The following SMARCE1 variants were observed in gnomAD, a reference collection of about 807,000 sequenced individuals.
SMARCE1 encodes the protein SWI/SNF-related matrix-associated actin-dependent regulator of chromatin subfamily E member 1.
A neutral mutation model predicts 54.9 loss-of-function variants in SMARCE1; 13 were observed. The observed-to-expected ratio is 0.24, with a 90% CI of 0.15 to 0.38. The LOEUF (loss-of-function observed/expected upper bound fraction) is 0.38. Among genes scored for constraint, SMARCE1 ranks in the 10% least tolerant of loss-of-function variants. SMARCE1 has a pLI of 1.00. For synonymous variants in SMARCE1, 151 were observed against 175.3 expected (o/e 0.86, Z 1.10); for missense variants, 295 against 523.8 (o/e 0.56, Z 4.26).
chr17:40,636,571 T>C (rs1315972687), intron 5 of SMARCE1, 45 bp from the exon 6 acceptor site: 2 of 1,477,206 alleles, frequency 1.4e-6, no homozygotes, highest in East Asian at 2.3e-5. Context: ...TGTCTAAACG[T>C]ATAGACCTTT....
chr17:40,628,564 A>T lies in SMARCE1; in HGVS notation c.*221T>A. ...TAAATTCTGAGGCTTTCAGCAGTTG[A>T]GGGCTAGAAACAAGATCCAAAGAAA... On this transcript the variant is annotated 3_prime_UTR_variant, in exon 11 of 11. Coordinates refer to ENST00000348513, the MANE Select transcript of SMARCE1 (RefSeq NM_003079.5). The T allele has an allele frequency of 2.0e-6, 1 of 499,044 alleles. No homozygotes were observed. The highest frequency in any genetic ancestry group is 3.5e-5 in the East Asian group (1 of 28,176). The allele number at this position is 499,044 out of a possible 1,614,324, so 30.9% of individuals were successfully genotyped here. A position where few individuals can be genotyped will look rare whatever the true frequency, so the allele number is the denominator to read the frequency against.
At chr17:40,632,456 A>G in intron 7 of SMARCE1, 89 bp from the exon 8 acceptor site, 5 of 1,166,372 alleles carry the variant, frequency 4.3e-6, no homozygotes, top group Non-Finnish European at 6.2e-6. Flanking sequence ...CCAACGAACT[A>G]TGGCCCTCAC....
chr17:40,637,761 A>C (rs1567847678), intron 4 of SMARCE1, 189 bp from the exon 5 acceptor site: 2 of 576,608 alleles, frequency 3.5e-6, no homozygotes, highest in Admixed American at 6.1e-5. Context: ...ATAATTTTTA[A>C]ATGTTTTACT....
chr17:40,632,582 C>CT (rs780363504), intron 7 of SMARCE1: 7 of 489,572 alleles, frequency 1.4e-5, no homozygotes, highest in Non-Finnish European at 2.5e-5. Context: ...ATCTCACAGT[C>CT]TTTAAGTGAT....
At chr17:40,632,072 C>A in intron 8 of SMARCE1, 123 bp downstream of exon 8, 1 of 780,496 alleles carries the variant, frequency 1.3e-6, no homozygotes, top group Non-Finnish European at 2.1e-6. Context: ...ACCTCTTCTC[C>A]AAATCAGGAA....
chr17:40,637,466 C>A (rs62066643), intron 5 of SMARCE1, 26 bp downstream of exon 5: 52 of 1,562,172 alleles, frequency 3.3e-5, no homozygotes, highest in Non-Finnish European at 4.5e-5. Context: ...AGTGTCCTCA[C>A]TCCTTACCAG....
Position 40,627,772 on chromosome 17 carries a change from C to T in SMARCE1, c.*1013G>A, listed in dbSNP as rs191521736. On this transcript the variant is annotated 3_prime_UTR_variant, in exon 11 of 11. Transcript: ENST00000348513. ...AAGAAACATATACCATCAGATATACCACTATTCAGTAAAAATCTATTCTAG... is the reference window on the plus strand; with the variant it reads ...AAGAAACATATACCATCAGATATACTACTATTCAGTAAAAATCTATTCTAG... 8 of 152,488 alleles carry T rather than the reference C, an allele frequency of 5.2e-5. No individual in the cohort carries two copies. The highest frequency in any genetic ancestry group is 1.0e-4 in the Non-Finnish European group (7 of 68,002). 9.4% of individuals were successfully genotyped at this position (152,488 alleles called of 1,614,324 possible).
chr17:40,644,473 A>C (rs2037232556), intron 3 of SMARCE1: 1 of 152,220 alleles, frequency 6.6e-6, no homozygotes, highest in Admixed American at 6.5e-5. Context: ...GCAGAATGCC[A>C]TGGAGATGGT....
At position 40,647,791 on chromosome 17, in the gene SMARCE1, C is replaced by G. The variant is rs966638014; in HGVS notation, c.-64G>C. On this transcript the variant is annotated 5_prime_UTR_variant, in exon 1 of 11. Transcript: ENST00000348513. ...CACTCACCCGCGGGCAGAAAAAGCG[C>G]CCGCAGCTCCGGCTTCGCTTCCCTT... is the stretch of plus-strand genomic sequence containing the variant. The G allele has an allele frequency of 6.5e-6, 1 of 154,378 alleles. No individual in the cohort carries two copies. The highest frequency in any genetic ancestry group is 2.4e-5 in the African/African-American group (1 of 41,608). 9.6% of individuals were successfully genotyped at this position (154,378 alleles called of 1,614,324 possible).
rs2037045456 is a variant in SMARCE1, at chr17:40,627,313, G to T, written c.*1472C>A. The T allele has an allele frequency of 6.6e-6, 1 of 152,326 alleles. No homozygotes were observed. The highest frequency in any genetic ancestry group is 2.1e-4 in the South Asian group (1 of 4,826). 9.4% of individuals were successfully genotyped at this position (152,326 alleles called of 1,614,324 possible). ...CTAATGTGCTATGAACTGAATAGCA[G>T]TGAATCCACTTAAATTAACTCATGC... On this transcript the variant is annotated 3_prime_UTR_variant, in exon 11 of 11. Transcript: ENST00000348513.
At position 40,630,123 on chromosome 17, in the gene SMARCE1, T is replaced by A; in HGVS notation, c.1027+591A>T. The stretch of plus-strand genomic sequence containing the variant: ...GTTAAAACAGTGCCATGAGGTAAGG[T>A]GATCTCAAAATTACAAGTGACGATC... On this transcript the variant is annotated intron_variant, in intron 10 of 10. Transcript: ENST00000348513. 5.5e-6 allele frequency: 4 copies of A among 725,404 alleles called. No individual in the cohort carries two copies. In the South Asian group the frequency reaches 7.1e-5, roughly 13 times the overall value. The allele number at this position is 725,404 out of a possible 1,614,324, so 44.9% of individuals were successfully genotyped here. A position where few individuals can be genotyped will look rare whatever the true frequency, so the allele number is the denominator to read the frequency against.
At chr17:40,629,129 T>G in intron 10 of SMARCE1, 136 bp from the exon 11 acceptor site, 1 of 665,042 alleles carries the variant, frequency 1.5e-6, no homozygotes. Flanking sequence ...TGAACCAGTG[T>G]GACTAAAGAA....
At chr17:40,629,079 T>C (rs1015449879) in intron 10 of SMARCE1, 86 bp from the exon 11 acceptor site, 27 of 1,049,848 alleles carry the variant, frequency 2.6e-5, no homozygotes, top group South Asian at 2.4e-4. Flanking sequence ...CTGTCCAATA[T>C]AGAAGCCACT....
intron 9 of SMARCE1, 178 bp from the exon 10 acceptor site, chr17:40,631,102 T>C (rs1200987209): frequency 1.0e-5 from 6 of 571,950 alleles, no homozygotes; most frequent in Non-Finnish European, 1.5e-5. Flanking sequence ...AACTCTTGGG[T>C]CTACAAGAAA....
At chr17:40,647,360 C>T (rs879704592) in intron 1 of SMARCE1, 1 of 152,310 alleles carries the variant, frequency 6.6e-6, no homozygotes, top group Non-Finnish European at 1.5e-5. Context: ...GTTTCAAACC[C>T]AGGCCAAACT....
chr17:40,637,967 C>T (rs1051763649), intron 4 of SMARCE1, among the ~76,000 whole-genome samples: 11 of 152,114 alleles, frequency 7.2e-5, no homozygotes, highest in Non-Finnish European at 1.5e-4. Context: ...GGATCTGAAC[C>T]CTTAACACTT....
At position 40,645,810 on chromosome 17, in the gene SMARCE1, G is replaced by T; in HGVS notation, c.-8C>A. 2 of 1,112,224 alleles carry T rather than the reference G, an allele frequency of 1.8e-6. No homozygotes were observed. The highest frequency in any genetic ancestry group is 2.4e-6 in the Non-Finnish European group (2 of 823,384). The allele number at this position is 1,112,224 out of a possible 1,614,324, so 68.9% of individuals were successfully genotyped here. On this transcript the variant is annotated 5_prime_UTR_variant, in exon 2 of 11. Coordinates refer to ENST00000348513, the MANE Select transcript of SMARCE1 (RefSeq NM_003079.5). ...TTGAAACTTACTTGACATTTTGGAAGATTAAGTTCTCAGTTCCTTAAGAAT... is the reference window on the plus strand; with the variant it reads ...TTGAAACTTACTTGACATTTTGGAATATTAAGTTCTCAGTTCCTTAAGAAT...
chr17:40,644,788 G>A (rs997885468), intron 3 of SMARCE1: 1 of 151,908 alleles, frequency 6.6e-6, no homozygotes, highest in African/African-American at 2.4e-5. Context: ...ATGGAAGGAA[G>A]GATTAATATT....
rs1400777896 is a variant in SMARCE1 at position 40,625,053 on chromosome 17, C to T, written c.*3732G>A. ...AGGTCATTCTGGCAAATAGAAAGTT[C>T]CATCATTTCACACTTAGAAAGCTGC... On this transcript the variant is annotated 3_prime_UTR_variant, in exon 11 of 11. Transcript: ENST00000348513. The T allele has an allele frequency of 6.6e-6, 1 of 152,068 alleles. No homozygotes were observed. Among genetic ancestry groups the T allele is most frequent in the Non-Finnish European group, 1.5e-5 (1 of 68,018 alleles). The allele number at this position is 152,068 out of a possible 1,614,324, so 9.4% of individuals were successfully genotyped here.
Sources: gnomAD v4.1 joint callset for allele counts (sites outside exome capture counted in the v4.1 genomes callset) on GRCh38, gnomAD v4.1.1 for gene constraint, MANE v1.5 for transcripts, NCBI Gene and HGNC (gene_info 2026-07-23, HGNC 2026-07-21) for gene names.